The following FMN2 variants were observed in gnomAD, a reference collection of about 807,000 sequenced individuals.
FMN2 encodes formin-2.
Under a neutral mutation model 142.3 loss-of-function variants are expected in FMN2, and 51 were observed. The observed-to-expected ratio is 0.36, with a 90% confidence interval of 0.29 to 0.45. The LOEUF is 0.45. FMN2 is among the 20% of genes least tolerant of loss of function. The pLI is 1.00. For synonymous variants in FMN2, 882 were observed against 869.8 expected, an observed-to-expected ratio of 1.01 and a Z score of -0.25; for missense variants, 1,936 against 2,122.8, an observed-to-expected ratio of 0.91 and a Z score of 1.73.
At chr1:240,465,297 C>G (rs933966728) in intron 16 of FMN2, among the ~76,000 whole-genome samples, 3 of 144,750 alleles carry the variant, frequency 2.1e-5, no homozygotes, top group African/African-American at 7.8e-5. Flanking sequence ...CCACCTCTCT[C>G]CTCCCCACAC....
intron 7 of FMN2, among the ~76,000 whole-genome samples, chr1:240,291,682 G>A (rs1035552340): frequency 1.3e-5 from 2 of 152,086 alleles, no homozygotes; most frequent in African/African-American, 2.4e-5. Flanking sequence ...TCACTCTAAT[G>A]GTTTATCATT....
chr1:240,153,111 GTGAT>G (rs1213582774), intron 2 of FMN2, among the ~76,000 whole-genome samples: 1 of 152,156 alleles, frequency 6.6e-6, no homozygotes, highest in Non-Finnish European at 1.5e-5. Flanking sequence ...GCTTTGCTGA[GTGAT>G]TGCTGTGTGG....
chr1:240,427,511 G>C (rs1675000374), intron 15 of FMN2, among the ~76,000 whole-genome samples: 1 of 152,096 alleles, frequency 6.6e-6, no homozygotes. Flanking sequence ...GGCCACAACT[G>C]ATTTTATTTT....
intron 2 of FMN2, chr1:240,170,493 C>G: frequency 1.3e-6 from 2 of 1,489,240 alleles, no homozygotes; most frequent in Non-Finnish European, 9.4e-7. Context: ...AATCCTAAAA[C>G]TAACCTTGCC....
intron 10 of FMN2, 76 bp from the exon 11 acceptor site, chr1:240,330,527 C>T (rs1671340226): frequency 7.5e-6 from 11 of 1,460,838 alleles, no homozygotes; most frequent in Non-Finnish European, 8.4e-6. Context: ...ATATAAATAG[C>T]TGGCATCAAC....
intron 15 of FMN2, among the ~76,000 whole-genome samples, chr1:240,432,056 C>T (rs1675197396): frequency 6.6e-6 from 1 of 151,744 alleles, no homozygotes; most frequent in Non-Finnish European, 1.5e-5. Context: ...GGCTTTATTT[C>T]TTCATCAAAT....
intron 8 of FMN2, among the ~76,000 whole-genome samples, chr1:240,309,424 G>A (rs1054632564): frequency 6.6e-6 from 1 of 152,156 alleles, no homozygotes; most frequent in South Asian, 2.1e-4. Flanking sequence ...TCTATGTAGG[G>A]AGGGCCCAGG....
At chr1:240,144,249 C>T (rs1382213779) in intron 2 of FMN2, 2 of 1,593,092 alleles carry the variant, frequency 1.3e-6, no homozygotes, top group East Asian at 2.2e-5. Context: ...AAGCCACTCA[C>T]AAAAGAGGAG....
intron 6 of FMN2, among the ~76,000 whole-genome samples, chr1:240,212,957 G>T (rs1416747342): frequency 6.6e-6 from 1 of 151,960 alleles, no homozygotes; most frequent in Non-Finnish European, 1.5e-5. Context: ...TTGTTTGTTT[G>T]TTTTTGTTTG....
chr1:240,271,185 A>C lies in FMN2; in HGVS notation c.4153+13153A>C, dbSNP rs1271126935. ...CTTCTTTTATCCTGTTGGGGTTGCC[A>C]CTGAATCATGGTTTTCTTATGAAAT... On this transcript the variant is annotated intron_variant, in intron 7 of 17. Coordinates refer to ENST00000319653, the MANE Select transcript of FMN2 (RefSeq NM_020066.5). Among the ~76,000 whole-genome samples the C allele has an allele frequency of 3.7e-5, 5 of 133,350 alleles. No homozygotes were observed. In the South Asian group the frequency reaches 9.6e-4, roughly 26 times the overall value. The allele number at this position is 133,350 out of a possible 152,430, so 87.5% of individuals were successfully genotyped here. A position where few individuals can be genotyped will look rare whatever the true frequency, so the allele number is the denominator to read the frequency against.
chr1:240,154,129 A>AAAAAAAAAAAAAC (rs3047192), intron 2 of FMN2, among the ~76,000 whole-genome samples: 1 of 102,154 alleles, frequency 9.8e-6, no homozygotes, highest in Non-Finnish European at 2.0e-5. Flanking sequence ...AAAAAAAAAA[A>AAAAAAAAAAAAAC]AAGTGTTACT....
At chr1:240,182,878 C>G (rs115824925) in intron 3 of FMN2, among the ~76,000 whole-genome samples, 1 of 151,634 alleles carries the variant, frequency 6.6e-6, no homozygotes, top group Non-Finnish European at 1.5e-5. Flanking sequence ...AGAAGAAATT[C>G]TGTGCCGTGC....
intron 8 of FMN2, among the ~76,000 whole-genome samples, chr1:240,297,076 T>A (rs1670012155): frequency 6.6e-6 from 1 of 152,112 alleles, no homozygotes; most frequent in Non-Finnish European, 1.5e-5. Context: ...GGAAAGTAAT[T>A]TCTTCAGCAG....
Position 240,474,136 on chromosome 1 carries a change from G to T in FMN2, c.5151G>T (p.Lys1717Asn). Residue 1717 changes from lysine to asparagine, a missense_variant, in exon 18 of 18, where the codon AAG (lysine) becomes AAT (asparagine). Lys to Asn is a moderately conservative substitution (Grantham distance 94, BLOSUM62 0). This residue lies in a region of FMN2 where 322 missense variants were observed against 401.6 expected (regional missense o/e 0.80). Coordinates refer to ENST00000319653, the MANE Select transcript of FMN2 (RefSeq NM_020066.5). ...GGTGTATTTGTTTTCAGAAAGCAAA[G>T]ATAAGCATGAAAACTTGAACAATGA... ...KPRHDSGIKA[K>N]ISMKT The T allele has an allele frequency of 6.4e-7, 1 of 1,557,262 alleles. No individual in the cohort carries two copies. The highest frequency in any genetic ancestry group is 8.6e-7 in the Non-Finnish European group (1 of 1,161,342).
At chr1:240,179,965 A>G (rs1169063098) in intron 3 of FMN2, among the ~76,000 whole-genome samples, 2 of 152,146 alleles carry the variant, frequency 1.3e-5, no homozygotes, top group Non-Finnish European at 2.9e-5. Flanking sequence ...TGTTGCTGGT[A>G]TATATACTGG....
chr1:240,291,638 A>C lies in FMN2; in HGVS notation c.4154-3184A>C, dbSNP rs762690467. Reference sequence around the variant, plus strand: ...ATAAACAAGACAGAGTATAATGAAGAAGCCCAGGTAGTTCTGTACCAGGCT... The same window carrying C: ...ATAAACAAGACAGAGTATAATGAAGCAGCCCAGGTAGTTCTGTACCAGGCT... On this transcript the variant is annotated intron_variant, in intron 7 of 17. Transcript: ENST00000319653. Among the ~76,000 whole-genome samples the C allele has an allele frequency of 2.1e-3, 323 of 152,228 alleles. 15 individuals are homozygous for C. The highest frequency in any genetic ancestry group is 2.6e-3 in the Admixed American group (39 of 15,284).
At chr1:240,380,195 T>C (rs1187846165) in intron 14 of FMN2, among the ~76,000 whole-genome samples, 1 of 152,178 alleles carries the variant, frequency 6.6e-6, no homozygotes, top group Non-Finnish European at 1.5e-5. Context: ...TTCTCATCTG[T>C]CCATGAAACA....
At chr1:240,252,241 C>G (rs1348150091) in intron 6 of FMN2, among the ~76,000 whole-genome samples, 1 of 151,900 alleles carries the variant, frequency 6.6e-6, no homozygotes, top group African/African-American at 2.4e-5. Flanking sequence ...TTTGTATATC[C>G]TTTCTTCCTT....
intron 14 of FMN2, among the ~76,000 whole-genome samples, chr1:240,383,277 T>G (rs2103084593): frequency 6.6e-6 from 1 of 152,154 alleles, no homozygotes; most frequent in Non-Finnish European, 1.5e-5. Context: ...CTTAGTTAAA[T>G]GAAAACGCTT....
Sources: gnomAD v4.1 joint callset for allele counts (sites outside exome capture counted in the v4.1 genomes callset) on GRCh38, gnomAD v4.1.1 for gene constraint, gnomAD v4.1.1 regional missense constraint, MANE v1.5 for transcripts, NCBI Gene and HGNC (gene_info 2026-07-23, HGNC 2026-07-21) for gene names.